Variants in CFHR4 observed in about 807,000 individuals in gnomAD.
The protein encoded by CFHR4 is complement factor H related 4.
In CFHR4, 64 loss-of-function variants were observed where a neutral mutation model predicts 69.3. The observed-to-expected ratio is 0.92, with a 90% CI of 0.76 to 1.14. CFHR4 has a LOEUF of 1.14. Among genes scored for constraint, CFHR4 ranks in the 50% most tolerant of loss-of-function variants. The pLI is 0.00. For missense variants in CFHR4, 636 were observed against 684.9 expected, an observed-to-expected ratio of 0.93 and a Z score of 0.80; for synonymous variants, 244 against 237.0, an observed-to-expected ratio of 1.03 and a Z score of -0.27.
intron 5 of CFHR4, among the ~76,000 whole-genome samples, chr1:196,907,880 A>C (rs1337490106): frequency 6.6e-6 from 1 of 151,400 alleles, no homozygotes; most frequent in African/African-American, 2.4e-5. Flanking sequence ...TGTTTTAAAA[A>C]CCATGGATGT....
chr1:196,907,575 A>G (rs1360778044), intron 5 of CFHR4, 77 bp downstream of exon 5: 2 of 1,225,174 alleles, frequency 1.6e-6, no homozygotes, highest in East Asian at 2.5e-5. Flanking sequence ...TAAAATTTTT[A>G]TGGGTTATTA....
intron 5 of CFHR4, among the ~76,000 whole-genome samples, chr1:196,908,421 C>T (rs1203306432): frequency 6.6e-6 from 1 of 151,456 alleles, no homozygotes; most frequent in Middle Eastern, 3.2e-3. Context: ...TTTTTTCTTA[C>T]ACTTTACCAG....
rs146572423 is a variant in CFHR4, at chr1:196,907,829, T to G, written c.799+331T>G. On this transcript the variant is annotated intron_variant, in intron 5 of 9. Coordinates refer to ENST00000608469, the MANE Select transcript of CFHR4 (RefSeq NM_001201550.3). ...ACATCAATAACCATTTTCACATTAT[T>G]AATACTTAGGTAAACAGTTTTCAAA... Among the ~76,000 whole-genome samples, 1,033 of 151,482 alleles carry G rather than the reference T, an allele frequency of 6.8e-3. 44 individuals are homozygous for G. The highest frequency in any genetic ancestry group is 0.024 in the African/African-American group (990 of 41,114).
chr1:196,913,556 C>T (rs986395569), intron 7 of CFHR4, among the ~76,000 whole-genome samples: 20 of 151,448 alleles, frequency 1.3e-4, no homozygotes, highest in Non-Finnish European at 2.5e-4. Context: ...TCGACCTTTA[C>T]TTATTATGAT....
At chr1:196,890,441 G>A (rs1571409840) in intron 1 of CFHR4, among the ~76,000 whole-genome samples, 1 of 151,510 alleles carries the variant, frequency 6.6e-6, no homozygotes, top group Non-Finnish European at 1.5e-5. Flanking sequence ...ATTAGTAATT[G>A]TAACCTATTA....
chr1:196,891,786 T>C (rs1474914055), intron 1 of CFHR4, among the ~76,000 whole-genome samples: 2 of 151,292 alleles, frequency 1.3e-5, no homozygotes, highest in East Asian at 3.9e-4. Flanking sequence ...ATGTTCTCTT[T>C]GTATATACAT....
At chr1:196,893,289 A>T (rs1375736289) in intron 1 of CFHR4, among the ~76,000 whole-genome samples, 7 of 151,686 alleles carry the variant, frequency 4.6e-5, no homozygotes, top group Non-Finnish European at 1.0e-4. Context: ...GGAGCAAGTT[A>T]GCTTTTGATG....
rs1170532794 is a variant in CFHR4 at position 196,910,290 on chromosome 1, C to T, written c.809C>T (p.Pro270Leu). Residue 270 changes from proline (P) to leucine (L), a missense_variant, in exon 6 of 10, where the codon CCT becomes CTT. By Grantham distance (98) the Pro-to-Leu change is moderately conservative. Transcript: ENST00000608469. ...SEPPRCISMK[P>L]CEFPEIQHGH... ...TGTTTTTTGTTACAAGCAATGAAAC[C>T]TTGTGAGTTTCCAGAAATTCAACAT... is the stretch of plus-strand genomic sequence containing the variant. The T allele has an allele frequency of 5.7e-6, 9 of 1,588,908 alleles. 1 individual carries two copies. Among genetic ancestry groups the T allele is most frequent in the South Asian group, 2.3e-5 (2 of 87,152 alleles).
chr1:196,891,282 T>C (rs936908086), intron 1 of CFHR4, among the ~76,000 whole-genome samples: 1 of 151,452 alleles, frequency 6.6e-6, no homozygotes, highest in Non-Finnish European at 1.5e-5. Flanking sequence ...ATGATTTCCT[T>C]TAGTTTACGT....
At position 196,905,194 on chromosome 1, in the gene CFHR4, T is replaced by G. The variant is rs1657844429; in HGVS notation, c.343T>G (p.Tyr115Asp). The change falls in exon 3 of 10, where the codon TAT becomes GAT. Residue 115 changes from tyrosine (Y) to aspartate (D), a missense_variant. By Grantham distance (160) the Tyr-to-Asp change is radical. Around this residue, in one of 3 missense-constraint regions of CFHR4, gnomAD observed 529 missense variants for 533.2 expected, o/e 0.99. Transcript: ENST00000608469. ...SIYILNEETQ[Y>D]NCKPGYATAE... ...TTATATTTTAAATGAAGAAACACAA[T>G]ATAATTGTAAACCAGGATATGCAAC... 6 of 1,610,880 alleles carry G rather than the reference T, an allele frequency of 3.7e-6. No individual in the cohort carries two copies. The South Asian group carries it at 6.6e-5, about 18-fold the overall frequency.
chr1:196,891,235 G>A (rs935626010), intron 1 of CFHR4, among the ~76,000 whole-genome samples: 2 of 151,530 alleles, frequency 1.3e-5, no homozygotes, highest in African/African-American at 4.9e-5. Flanking sequence ...CTTGGCGACA[G>A]AGCAAGACTG....
Position 196,918,274 on chromosome 1 carries a change from CAT to C in CFHR4, c.1607_1608del (p.Ile536LysfsTer11). 1 of 1,608,160 alleles carries C rather than the reference CAT, an allele frequency of 6.2e-7. No individual in the cohort carries two copies. On this transcript the variant is annotated frameshift_variant, in exon 10 of 10. Transcript: ENST00000608469. LOFTEE classifies it low-confidence loss of function (END_TRUNC). ...NNIQLKGKSD[I>X]KYYAKTGDTI... ...ACATACAGTTAAAAGGAAAAAGTGA[CAT>C]AAAATATTATGCAAAAACAGGGGAT... is the stretch of plus-strand genomic sequence containing the variant.
In CFHR4 at chr1:196,907,053, A is replaced by G; in HGVS notation, c.616+16A>G. The G allele has an allele frequency of 1.3e-6, 2 of 1,589,720 alleles. No individual in the cohort carries two copies. Among genetic ancestry groups the G allele is most frequent in the Non-Finnish European group, 1.7e-6 (2 of 1,166,178 alleles). ...ACATGCTATAGTAAGTATTTTATTC[A>G]AGTATTTCTTTTTACTAGAATTAAA... On this transcript the variant is annotated intron_variant, in intron 4 of 9. Transcript: ENST00000608469.
Position 196,902,477 on chromosome 1 carries a change from C to G in CFHR4, c.118C>G (p.Arg40Gly). 6.2e-7 allele frequency: 1 copy of G among 1,611,722 alleles called. No individual in the cohort carries two copies. Among genetic ancestry groups the G allele is most frequent in the Non-Finnish European group, 8.5e-7 (1 of 1,178,818 alleles). ...TGGAGGTCTATATTATAAGAGTTTG[C>G]GTAGACTATACTTTCCAGCAGCTGC... ...QHGGLYYKSL[R>G]RLYFPAAAGQ... is the part of the protein sequence containing the mutation. Residue 40 changes from arginine to glycine, a missense_variant, in exon 2 of 10, where the codon CGT (arginine) becomes GGT (glycine). This residue lies in a region of CFHR4 where 529 missense variants were observed against 533.2 expected (regional missense o/e 0.99). Transcript: ENST00000608469.
rs768446592 is a variant in CFHR4, at chr1:196,907,431, T to C, written c.732T>C (p.Tyr244=). 2.0e-5 allele frequency: 32 copies of C among 1,612,126 alleles called. 2 individuals carry two copies. The highest frequency in any genetic ancestry group is 4.5e-5 in the East Asian group (2 of 44,830). The change falls in exon 5 of 10, where the codon TAT becomes TAC. Residue 244 remains tyrosine, a synonymous_variant. Transcript: ENST00000608469. The part of the protein sequence containing the change: ...SRVEYQCQSY[Y]ELQGSKYVTC... ...TCGAGTACCAGTGCCAGTCCTACTATGAACTTCAGGGTTCTAAATATGTAA... is the reference window on the plus strand; with the variant it reads ...TCGAGTACCAGTGCCAGTCCTACTACGAACTTCAGGGTTCTAAATATGTAA...
At chr1:196,914,185 A>G (rs1658442405) in intron 7 of CFHR4, among the ~76,000 whole-genome samples, 1 of 151,522 alleles carries the variant, frequency 6.6e-6, no homozygotes, top group Admixed American at 6.6e-5. Flanking sequence ...AATAGATTGT[A>G]GTATCATAGT....
chr1:196,907,878 A>G (rs752255428), intron 5 of CFHR4, among the ~76,000 whole-genome samples: 9 of 151,450 alleles, frequency 5.9e-5, no homozygotes, highest in Admixed American at 4.0e-4. Context: ...ACTGTTTTAA[A>G]AACCATGGAT....
chr1:196,904,271 C>T (rs1657779716), intron 2 of CFHR4, among the ~76,000 whole-genome samples: 1 of 151,426 alleles, frequency 6.6e-6, no homozygotes, highest in Admixed American at 6.6e-5. Context: ...GGAGATTAAT[C>T]GAAAAGTTGA....
At position 196,903,826 on chromosome 1, in the gene CFHR4, A is replaced by G. The variant is rs557069471; in HGVS notation, c.256+1211A>G. Among the ~76,000 whole-genome samples the G allele has an allele frequency of 5.3e-5, 8 of 151,542 alleles. No homozygotes were observed. The South Asian group carries it at 1.7e-3, about 31-fold the overall frequency. On this transcript the variant is annotated intron_variant, in intron 2 of 9. Transcript: ENST00000608469. ...TATAAAATTATAGCATTAATTAACA[A>G]TGCTTGCCCAAAGGTCACTTGTACA...
Sources: gnomAD v4.1 joint callset for allele counts (sites outside exome capture counted in the v4.1 genomes callset) on GRCh38, gnomAD v4.1.1 for gene constraint, gnomAD v4.1.1 regional missense constraint, MANE v1.5 for transcripts, NCBI Gene and HGNC (gene_info 2026-07-23, HGNC 2026-07-21) for gene names.